Variants in PATJ observed in about 807,000 individuals in gnomAD.
The protein encoded by PATJ is PATJ crumbs cell polarity complex component.
Under a neutral mutation model 224.9 loss-of-function variants are expected in PATJ, and 190 were observed. The ratio of observed to expected loss-of-function variants is 0.84; its 90% confidence interval spans 0.75 to 0.95. The LOEUF is 0.95. Among genes scored for constraint, PATJ ranks in the 40% least tolerant of loss-of-function variants. The pLI, the probability that PATJ is intolerant of heterozygous loss-of-function variation, is 0.00. For missense variants in PATJ, 2,121 were observed against 2,270.3 expected (o/e 0.93, Z 1.34); for synonymous variants, 769 against 820.3 (o/e 0.94, Z 1.07).
chr1:62,069,281 C>T (rs532471449), intron 31 of PATJ, among the ~76,000 whole-genome samples: 1 of 152,300 alleles, frequency 6.6e-6, no homozygotes, highest in South Asian at 2.1e-4. Flanking sequence ...GAGTTAAGTT[C>T]TGGCTTGGCA....
At chr1:62,048,545 C>CAAAAAAAAAAAAAAAAAAAAAA (rs773157635) in intron 30 of PATJ, among the ~76,000 whole-genome samples, 92 of 66,148 alleles carry the variant, frequency 1.4e-3, no homozygotes, top group East Asian at 2.5e-3. Flanking sequence ...GACTCTGTCT[C>CAAAAAAAAAAAAAAAAAAAAAA]AAAAAAAAAA....
intron 26 of PATJ, among the ~76,000 whole-genome samples, chr1:61,922,405 T>C (rs1197109098): frequency 6.6e-6 from 1 of 152,184 alleles, no homozygotes; most frequent in Non-Finnish European, 1.5e-5. Flanking sequence ...ATGTGACATC[T>C]GGAAGGGACT....
chr1:62,131,370 C>T (rs1477795250), intron 41 of PATJ, among the ~76,000 whole-genome samples: 1 of 152,112 alleles, frequency 6.6e-6, no homozygotes, highest in Non-Finnish European at 1.5e-5. Flanking sequence ...TAGGAGGATC[C>T]TACTTCAAAT....
chr1:61,903,718 T>C (rs994521559), intron 24 of PATJ, among the ~76,000 whole-genome samples: 1 of 152,100 alleles, frequency 6.6e-6, no homozygotes, highest in African/African-American at 2.4e-5. Flanking sequence ...TTAAATTCTA[T>C]TTTATTAATA....
At chr1:61,973,107 C>T (rs929226589) in intron 27 of PATJ, among the ~76,000 whole-genome samples, 1 of 151,972 alleles carries the variant, frequency 6.6e-6, no homozygotes, top group African/African-American at 2.4e-5. Context: ...TTGACCAATT[C>T]AGATAATGAC....
intron 28 of PATJ, among the ~76,000 whole-genome samples, chr1:62,005,136 T>C (rs1380439052): frequency 6.6e-6 from 1 of 152,074 alleles, no homozygotes; most frequent in East Asian, 1.9e-4. Context: ...TTTTAAATTT[T>C]TTAGGATTTT....
intron 9 of PATJ, among the ~76,000 whole-genome samples, chr1:61,792,221 C>G (rs1650033524): frequency 6.6e-6 from 1 of 152,138 alleles, no homozygotes; most frequent in South Asian, 2.1e-4. Context: ...GTCAGACCAC[C>G]TTGTGTTATT....
chr1:62,087,080 C>T (rs1660097305), intron 33 of PATJ, among the ~76,000 whole-genome samples: 1 of 152,112 alleles, frequency 6.6e-6, no homozygotes, highest in South Asian at 2.1e-4. Context: ...GGTACCCGCA[C>T]TCGGTGAGTC....
At chr1:61,824,820 G>A (rs1461836417) in intron 15 of PATJ, among the ~76,000 whole-genome samples, 1 of 152,120 alleles carries the variant, frequency 6.6e-6, no homozygotes, top group Non-Finnish European at 1.5e-5. Flanking sequence ...CTGGATCACA[G>A]TATAGAAAGT....
intron 13 of PATJ, among the ~76,000 whole-genome samples, chr1:61,806,652 TCA>T (rs1653626095): frequency 6.6e-6 from 1 of 151,874 alleles, no homozygotes; most frequent in Non-Finnish European, 1.5e-5. Flanking sequence ...TCAATACAAT[TCA>T]CACTTTCTCT....
In PATJ at chr1:61,875,264, G is replaced by T. The variant is rs1487596618; in HGVS notation, c.2857G>T (p.Glu953Ter). ...ENVMKENFVM[E>*]SLPSVPSTEG... ...CAAGATGAAAGAAAATTTTGTCATG[G>T]AGTCCCTACCATCTGTACCATCAAC... is the stretch of plus-strand genomic sequence containing the variant. The change falls in exon 21 of 44, where the codon GAG becomes TAG. Residue 953 changes from glutamate to a stop codon, truncating the protein, a stop_gained. Transcript: ENST00000642238. LOFTEE classifies it high-confidence loss of function. 1.3e-6 allele frequency: 2 copies of T among 1,594,872 alleles called. No homozygotes were observed. The highest frequency in any genetic ancestry group is 1.7e-6 in the Non-Finnish European group (2 of 1,169,468).
intron 17 of PATJ, among the ~76,000 whole-genome samples, chr1:61,845,193 ATCT>A (rs1272491172): frequency 6.6e-6 from 1 of 152,118 alleles, no homozygotes; most frequent in Non-Finnish European, 1.5e-5. Context: ...GACTGATAAA[ATCT>A]TCTACAACCT....
intron 17 of PATJ, among the ~76,000 whole-genome samples, chr1:61,851,878 G>A (rs1390457025): frequency 1.3e-5 from 2 of 152,030 alleles, no homozygotes; most frequent in African/African-American, 4.8e-5. Context: ...CAATGGAGGG[G>A]TGAGGGGGAG....
At chr1:61,787,261 T>C (rs979073293) in intron 7 of PATJ, among the ~76,000 whole-genome samples, 3 of 152,244 alleles carry the variant, frequency 2.0e-5, no homozygotes, top group Non-Finnish European at 4.4e-5. Context: ...AGATGCCCTA[T>C]ACTGTCTGAC....
chr1:61,877,800 C>T (rs1667537095), intron 21 of PATJ, among the ~76,000 whole-genome samples: 1 of 152,184 alleles, frequency 6.6e-6, no homozygotes, highest in Non-Finnish European at 1.5e-5. Context: ...ATTAATACAA[C>T]TTAAATCCTA....
At position 62,158,363 on chromosome 1, in the gene PATJ, G is replaced by A. The variant is rs888554372; in HGVS notation, c.5503-2545G>A. Among the ~76,000 whole-genome samples the A allele has an allele frequency of 3.4e-5, 5 of 148,724 alleles. 2 individuals are homozygous for A. Among genetic ancestry groups the A allele is most frequent in the Non-Finnish European group, 7.5e-5 (5 of 66,910 alleles). On this transcript the variant is annotated intron_variant, in intron 43 of 43. Coordinates refer to ENST00000642238, the MANE Select transcript of PATJ (RefSeq NM_001350145.3). The stretch of plus-strand genomic sequence containing the variant: ...TTAAAAAATCATCCTGGCTGGGCAC[G>A]GACTCATGCCTGTAATCCCAGCACT...
chr1:61,937,206 A>G (rs1055121400), intron 27 of PATJ, among the ~76,000 whole-genome samples: 3 of 152,050 alleles, frequency 2.0e-5, no homozygotes, highest in Admixed American at 6.6e-5. Flanking sequence ...TAAGAATTCA[A>G]GGACCACTGG....
chr1:62,029,814 C>T (rs1472789819), intron 29 of PATJ, among the ~76,000 whole-genome samples: 1 of 152,178 alleles, frequency 6.6e-6, no homozygotes, highest in Non-Finnish European at 1.5e-5. Context: ...TCATGATTTA[C>T]TGAGTACCTC....
chr1:61,869,155 G>GGA (rs1665889025), intron 20 of PATJ, among the ~76,000 whole-genome samples: 1 of 139,796 alleles, frequency 7.2e-6, no homozygotes, highest in Non-Finnish European at 1.5e-5. Context: ...CGCCCAGGCT[G>GGA]GAGTGCAGTG....
Sources: gnomAD v4.1 joint callset for allele counts (sites outside exome capture counted in the v4.1 genomes callset) on GRCh38, gnomAD v4.1.1 for gene constraint, MANE v1.5 for transcripts, NCBI Gene and HGNC (gene_info 2026-07-23, HGNC 2026-07-21) for gene names.